The following USP25 variants were observed in gnomAD, a reference collection of about 807,000 sequenced individuals.
USP25 encodes ubiquitin carboxyl-terminal hydrolase 25.
A neutral mutation model predicts 158.5 loss-of-function variants in USP25; 85 were observed. The observed-to-expected ratio is 0.54, with a 90% CI of 0.45 to 0.64. USP25 has a LOEUF of 0.64. USP25 is among the 30% of genes least tolerant of loss of function. The pLI is 0.00. For synonymous variants in USP25, 464 were observed against 460.4 expected (o/e 1.01, Z -0.10); for missense variants, 1,242 against 1,327.3 (o/e 0.94, Z 1.00).
At chr21:15,742,129 T>C in intron 1 of USP25, among the ~76,000 whole-genome samples, 1 of 151,938 alleles carries the variant, frequency 6.6e-6, no homozygotes, top group East Asian at 1.9e-4. Context: ...TTTTAACAGT[T>C]TTTTATCTGT....
At chr21:15,818,252 C>T (rs559597302) in intron 9 of USP25, among the ~76,000 whole-genome samples, 1 of 152,264 alleles carries the variant, frequency 6.6e-6, no homozygotes, top group African/African-American at 2.4e-5. Flanking sequence ...TCTGTCTCAT[C>T]ACAACTTTCT....
intron 1 of USP25, among the ~76,000 whole-genome samples, chr21:15,762,622 T>C (rs570840889): frequency 6.6e-6 from 1 of 152,306 alleles, no homozygotes; most frequent in Admixed American, 6.5e-5. Flanking sequence ...GGACAGAAAC[T>C]GCTAATTCAG....
Position 15,826,166 on chromosome 21 carries a change from A to G in USP25, c.1305-38A>G, listed in dbSNP as rs1218280728. ...TAATAAAGGCCCAAATATGCTGTAT[A>G]TAGAAATAAAAGCATTTGTACATTT... On this transcript the variant is annotated intron_variant, in intron 12 of 25. Transcript: ENST00000400183. The surrounding 1 kb of genome is among the most constrained non-coding windows in gnomAD (Gnocchi z 4.8). 1 of 1,602,868 alleles carries G rather than the reference A, an allele frequency of 6.2e-7. No individual in the cohort carries two copies. Among genetic ancestry groups the G allele is most frequent in the Admixed American group, 1.7e-5 (1 of 59,568 alleles).
At chr21:15,849,640 C>T in intron 19 of USP25, 137 bp from the exon 20 acceptor site, 1 of 618,546 alleles carries the variant, frequency 1.6e-6, no homozygotes, top group Non-Finnish European at 2.7e-6. Flanking sequence ...TGCTTACATG[C>T]ATATTGGATT....
intron 6 of USP25, among the ~76,000 whole-genome samples, chr21:15,800,412 T>C (rs1164855345): frequency 1.3e-5 from 2 of 151,110 alleles, no homozygotes; most frequent in Non-Finnish European, 3.0e-5. Context: ...TATATAATAA[T>C]AGTAATTATT....
chr21:15,752,044 C>G (rs1355209175), intron 1 of USP25, among the ~76,000 whole-genome samples: 7 of 152,240 alleles, frequency 4.6e-5, no homozygotes, highest in Non-Finnish European at 8.8e-5. Context: ...AAGCTATTCT[C>G]CTGCCTCAGC....
chr21:15,862,911 AT>A (rs551802764), intron 20 of USP25, among the ~76,000 whole-genome samples: 3 of 151,908 alleles, frequency 2.0e-5, no homozygotes, highest in Non-Finnish European at 2.9e-5. Flanking sequence ...TTTATCAGTT[AT>A]TTTTTCTCCC....
At chr21:15,874,810 C>CT (rs1427507981) in intron 24 of USP25, among the ~76,000 whole-genome samples, 1 of 152,062 alleles carries the variant, frequency 6.6e-6, no homozygotes, top group Non-Finnish European at 1.5e-5. Context: ...ACTACCACTC[C>CT]TTTTTTTGGT....
chr21:15,794,241 T>C (rs1262035646), intron 5 of USP25, among the ~76,000 whole-genome samples: 2 of 151,690 alleles, frequency 1.3e-5, no homozygotes, highest in Non-Finnish European at 3.0e-5. Context: ...TGCATACTTA[T>C]TATTTTAGAT....
At chr21:15,796,215 G>T (rs1240215054) in intron 5 of USP25, among the ~76,000 whole-genome samples, 7 of 151,466 alleles carry the variant, frequency 4.6e-5, no homozygotes, top group Non-Finnish European at 8.9e-5. Context: ...TATGACTTTG[G>T]TGAAGGATAT....
intron 24 of USP25, 88 bp from the exon 25 acceptor site, chr21:15,877,708 A>C: frequency 1.1e-6 from 1 of 924,230 alleles, no homozygotes; most frequent in Non-Finnish European, 1.6e-6. Flanking sequence ...GAACATATTT[A>C]TGTTGTCTTC....
chr21:15,849,230 G>A (rs773885175), intron 19 of USP25, among the ~76,000 whole-genome samples: 11 of 152,118 alleles, frequency 7.2e-5, no homozygotes, highest in Admixed American at 3.9e-4. Context: ...ACAGAGTTGT[G>A]TGTTTTGTCG....
chr21:15,754,675 G>A (rs7283707), intron 1 of USP25, among the ~76,000 whole-genome samples: 35,123 of 152,126 alleles, frequency 0.23, 5,490 homozygotes, highest in African/African-American at 0.45. Context: ...AAGCAAGTTA[G>A]TGCTGGGGAC....
At position 15,879,341 on chromosome 21, in the gene USP25, C is replaced by T. The variant is rs1375190184; in HGVS notation, c.*866C>T. The T allele has an allele frequency of 6.6e-6, 1 of 152,180 alleles. No homozygotes were observed. The highest frequency in any genetic ancestry group is 1.9e-4 in the East Asian group (1 of 5,194). The allele number at this position is 152,180 out of a possible 1,614,324, so 9.4% of individuals were successfully genotyped here. A position where few individuals can be genotyped will look rare whatever the true frequency, so the allele number is the denominator to read the frequency against. ...TTATATATACACATATATACACATACACACATGTATATATATATTCTTCAT... is the reference window on the plus strand; with the variant it reads ...TTATATATACACATATATACACATATACACATGTATATATATATTCTTCAT... On this transcript the variant is annotated 3_prime_UTR_variant, in exon 26 of 26. Coordinates refer to ENST00000400183, the MANE Select transcript of USP25 (RefSeq NM_001283041.3).
intron 5 of USP25, 71 bp from the exon 6 acceptor site, chr21:15,799,686 A>G: frequency 9.4e-7 from 1 of 1,060,758 alleles, no homozygotes; most frequent in South Asian, 1.6e-5. Flanking sequence ...TAAACCTCCA[A>G]GACTAGTCAT....
chr21:15,757,602 T>C (rs2033462760), intron 1 of USP25, among the ~76,000 whole-genome samples: 1 of 152,208 alleles, frequency 6.6e-6, no homozygotes, highest in South Asian at 2.1e-4. Flanking sequence ...ACAGATTTGC[T>C]GGTTGGCTGG....
At chr21:15,814,198 G>T (rs1391063190) in intron 9 of USP25, among the ~76,000 whole-genome samples, 1 of 150,348 alleles carries the variant, frequency 6.7e-6, no homozygotes, top group Non-Finnish European at 1.5e-5. Flanking sequence ...TCTTGCTGCT[G>T]CCATGTAAGA....
chr21:15,850,278 C>G (rs1475974180), intron 20 of USP25, among the ~76,000 whole-genome samples: 1 of 151,932 alleles, frequency 6.6e-6, no homozygotes, highest in East Asian at 1.9e-4. Flanking sequence ...ATTTTATTAT[C>G]ATTAGGTACT....
chr21:15,747,485 G>GT lies in USP25; in HGVS notation c.46-15399dup, dbSNP rs1167844820. ...ACTATATAACTATATAGTACATATA[G>GT]TTTTTTTCCTATATATAGTATCTAC... On this transcript the variant is annotated intron_variant, in intron 1 of 25. Transcript: ENST00000400183. Among the ~76,000 whole-genome samples the GT allele has an allele frequency of 2.6e-5, 4 of 151,476 alleles. No individual in the cohort carries two copies. In the South Asian group the frequency reaches 6.2e-4, roughly 24 times the overall value.
Sources: allele counts gnomAD v4.1 joint callset (sites outside exome capture counted in the v4.1 genomes callset), GRCh38; gene constraint gnomAD v4.1.1; non-coding constraint Gnocchi (gnomAD v3.1); transcripts MANE v1.5; gene names NCBI Gene and HGNC (gene_info 2026-07-23, HGNC 2026-07-21).